The following AGBL1 variants were observed in gnomAD, a reference collection of about 807,000 sequenced individuals.
AGBL1 encodes the protein AGBL carboxypeptidase 1, also known as cytosolic carboxypeptidase 4.
A neutral mutation model predicts 118.9 loss-of-function variants in AGBL1; 130 were observed. That is an observed-to-expected ratio of 1.09 (90% confidence interval 0.95 to 1.26). AGBL1 has a LOEUF of 1.26. AGBL1 is among the 50% of genes most tolerant of loss of function. AGBL1 has a pLI of 0.00. For synonymous variants in AGBL1, 555 were observed against 478.9 expected, an observed-to-expected ratio of 1.16 and a Z score of -2.08; for missense variants, 1,584 against 1,298.1, an observed-to-expected ratio of 1.22 and a Z score of -3.38.
At chr15:86,565,923 T>C (rs1261061011) in intron 21 of AGBL1, among the ~76,000 whole-genome samples, 1 of 152,238 alleles carries the variant, frequency 6.6e-6, no homozygotes, top group Non-Finnish European at 1.5e-5. Context: ...CGTGGGACCC[T>C]CTGAGCCAGG....
chr15:86,830,125 A>C (rs1250692649), intron 22 of AGBL1, among the ~76,000 whole-genome samples: 2 of 152,104 alleles, frequency 1.3e-5, no homozygotes, highest in Non-Finnish European at 2.9e-5. Context: ...TGTATTTTTA[A>C]ATCTTTTTTT....
chr15:86,807,782 T>C lies in AGBL1; in HGVS notation c.3159-99305T>C, dbSNP rs577499084. ...TGAATTATATTTTCCTATTGTCAAA[T>C]AGGGAAAACAAATCCTGACTTGTAG... On this transcript the variant is annotated intron_variant, in intron 22 of 22. Transcript: ENST00000614907. Among the ~76,000 whole-genome samples the C allele has an allele frequency of 3.2e-4, 49 of 152,256 alleles. No individual in the cohort carries two copies. In the South Asian group the frequency reaches 0.01, roughly 32 times the overall value.
intron 16 of AGBL1, among the ~76,000 whole-genome samples, chr15:86,290,696 T>C (rs571127825): frequency 4.0e-5 from 6 of 151,674 alleles, no homozygotes; most frequent in Non-Finnish European, 7.4e-5. Flanking sequence ...TTTTTTATTT[T>C]ATTATTATTA....
At chr15:86,553,994 G>T (rs1320714174) in intron 20 of AGBL1, among the ~76,000 whole-genome samples, 1 of 151,950 alleles carries the variant, frequency 6.6e-6, no homozygotes, top group Non-Finnish European at 1.5e-5. Flanking sequence ...CTGAGTAGCT[G>T]GGATTACAGG....
chr15:86,140,012 T>C (rs940818256), intron 1 of AGBL1: 1 of 169,560 alleles, frequency 5.9e-6, no homozygotes, highest in Non-Finnish European at 1.3e-5. Context: ...GGGCGGGACA[T>C]GATGTGGAGA....
intron 22 of AGBL1, among the ~76,000 whole-genome samples, chr15:86,875,942 C>G (rs1240199144): frequency 6.6e-6 from 1 of 152,162 alleles, no homozygotes; most frequent in Non-Finnish European, 1.5e-5. Flanking sequence ...TATGGACTAG[C>G]AGGTACTTGG....
In AGBL1 at chr15:86,154,538, C is replaced by A; in HGVS notation, c.371C>A (p.Ala124Asp). ...CAGAATCTCCTCCACTGTCTCTGGG[C>A]TCTGCGTGTGTTTGCCTCCAGTGGT... Reference protein sequence around the residue: ...HGQNLLHCLWALRVFASSVSM... With the variant: ...HGQNLLHCLWDLRVFASSVSM... The change falls in exon 4 of 23, where the codon GCT becomes GAT. Residue 124 changes from alanine (A) to aspartate (D), a missense_variant. Transcript: ENST00000614907. 3.7e-6 allele frequency: 6 copies of A among 1,611,848 alleles called. No individual in the cohort carries two copies. Among genetic ancestry groups the A allele is most frequent in the Non-Finnish European group, 5.1e-6 (6 of 1,178,858 alleles).
chr15:86,830,515 T>C (rs928097866), intron 22 of AGBL1, among the ~76,000 whole-genome samples: 5 of 152,136 alleles, frequency 3.3e-5, no homozygotes, highest in African/African-American at 9.7e-5. Context: ...TTTATCCCTG[T>C]GTTGGTGCAA....
chr15:86,809,514 C>T (rs992258137), intron 22 of AGBL1, among the ~76,000 whole-genome samples: 3 of 152,146 alleles, frequency 2.0e-5, no homozygotes, highest in Non-Finnish European at 2.9e-5. Context: ...TTGAAACACA[C>T]GATTTGCTAT....
intron 18 of AGBL1, 70 bp from the exon 19 acceptor site, chr15:86,522,740 G>A (rs1386689298): frequency 2.5e-5 from 39 of 1,541,400 alleles, no homozygotes; most frequent in Non-Finnish European, 3.4e-5. Context: ...TGTTTATCTT[G>A]TGGAGCTTTA....
At chr15:86,746,176 C>T (rs1430056062) in intron 22 of AGBL1, among the ~76,000 whole-genome samples, 2 of 152,064 alleles carry the variant, frequency 1.3e-5, no homozygotes, top group East Asian at 1.9e-4. Context: ...GGTTATGTTT[C>T]GCTCTTATTG....
intron 5 of AGBL1, among the ~76,000 whole-genome samples, chr15:86,171,592 G>A (rs182642008): frequency 2.2e-4 from 34 of 152,246 alleles, no homozygotes; most frequent in Admixed American, 2.2e-3. Flanking sequence ...AAGGACAGGT[G>A]TCACAAATAG....
rs147203416 is a variant in AGBL1, at chr15:86,661,825, C to T, written c.2995-12448C>T. 6.5e-3 allele frequency among the ~76,000 whole-genome samples: 985 copies of T among 152,262 alleles called. 6 individuals carry two copies. The highest frequency in any genetic ancestry group is 9.1e-3 in the Non-Finnish European group (618 of 68,018). On this transcript the variant is annotated intron_variant, in intron 21 of 22. Transcript: ENST00000614907. ...GTCACTCTCGTCGCTCTGAGAATGT[C>T]GCATTGCTTCATCTCATGTTCTGTG...
intron 22 of AGBL1, among the ~76,000 whole-genome samples, chr15:86,679,661 T>G (rs1309277732): frequency 6.6e-6 from 1 of 152,090 alleles, no homozygotes; most frequent in Admixed American, 6.6e-5. Context: ...CTCTAAGCAT[T>G]TAAGAATTAA....
At chr15:86,298,860 C>A (rs1038799895) in intron 17 of AGBL1, among the ~76,000 whole-genome samples, 1 of 152,188 alleles carries the variant, frequency 6.6e-6, no homozygotes, top group Non-Finnish European at 1.5e-5. Flanking sequence ...CCTCTCAAGG[C>A]TGGTTCCCCT....
intron 10 of AGBL1, 88 bp downstream of exon 10, chr15:86,262,982 G>A: frequency 1.1e-6 from 1 of 909,786 alleles, no homozygotes; most frequent in Non-Finnish European, 1.8e-6. Context: ...TGTCCAGATG[G>A]AAAGCATTGC....
rs757244908 is a variant in AGBL1 at position 86,546,034 on chromosome 15, G to C, written c.2718G>C (p.Lys906Asn). Residue 906 changes from lysine to asparagine, a missense_variant, in exon 20 of 23, where the codon AAG becomes AAC. Lys to Asn is a moderately conservative substitution (Grantham distance 94). Transcript: ENST00000614907. ...GTGACTTCCATGGCCACTCCCAAAA[G>C]AAGAATGTGTTCCTTTATGGCTGTA... ...VFCDFHGHSQ[K>N]KNVFLYGCSI... 3.7e-6 allele frequency: 6 copies of C among 1,613,274 alleles called. No homozygotes were observed. Among genetic ancestry groups the C allele is most frequent in the Non-Finnish European group, 4.2e-6 (5 of 1,179,474 alleles).
intron 21 of AGBL1, among the ~76,000 whole-genome samples, chr15:86,568,708 T>C (rs2083956351): frequency 6.6e-6 from 1 of 152,198 alleles, no homozygotes; most frequent in Non-Finnish European, 1.5e-5. Flanking sequence ...AGGCCCCACC[T>C]ACTGAATCTG....
At chr15:86,681,965 G>T (rs887675648) in intron 22 of AGBL1, among the ~76,000 whole-genome samples, 3 of 152,188 alleles carry the variant, frequency 2.0e-5, no homozygotes, top group Non-Finnish European at 4.4e-5. Context: ...GCGAAGGATG[G>T]AGTCTTAGTA....
Sources: allele counts gnomAD v4.1 joint callset (sites outside exome capture counted in the v4.1 genomes callset), GRCh38; gene constraint gnomAD v4.1.1; transcripts MANE v1.5; gene names NCBI Gene and HGNC (gene_info 2026-07-23, HGNC 2026-07-21).